The following SGCZ variants were observed in gnomAD, a reference collection of about 807,000 sequenced individuals.
SGCZ encodes the protein sarcoglycan zeta, also known as zeta-sarcoglycan.
In SGCZ, 40 loss-of-function variants were observed where a neutral mutation model predicts 41.3. The ratio of observed to expected loss-of-function variants is 0.97; its 90% CI spans 0.75 to 1.26. The LOEUF (loss-of-function observed/expected upper bound fraction) is 1.26. Among genes scored for constraint, SGCZ ranks in the 50% most tolerant of loss-of-function variants. The pLI, the probability that SGCZ is intolerant of heterozygous loss-of-function variation, is 0.00. For synonymous variants in SGCZ, 206 were observed against 137.5 expected (o/e 1.50, Z -3.49); for missense variants, 552 against 369.8 (o/e 1.49, Z -4.04).
chr8:15,216,223 CTTTTTTTT>C (rs34383864), intron 1 of SGCZ, among the ~76,000 whole-genome samples: 1 of 125,940 alleles, frequency 7.9e-6, no homozygotes, highest in Admixed American at 9.0e-5. Context: ...CTTTTTTTTT[CTTTTTTTT>C]TTTTTTTTGA....
chr8:15,069,858 C>G (rs982031941), intron 1 of SGCZ, among the ~76,000 whole-genome samples: 20 of 152,006 alleles, frequency 1.3e-4, no homozygotes, highest in Non-Finnish European at 2.4e-4. Context: ...GCTTTAATAC[C>G]TGTGCTCTTT....
chr8:14,353,892 T>C (rs1243988226), intron 2 of SGCZ, among the ~76,000 whole-genome samples: 3 of 152,096 alleles, frequency 2.0e-5, no homozygotes, highest in African/African-American at 4.8e-5. Flanking sequence ...AGTTTATTCC[T>C]ATAACCACCC....
intron 2 of SGCZ, among the ~76,000 whole-genome samples, chr8:14,324,417 G>A (rs1286483024): frequency 6.6e-6 from 1 of 152,078 alleles, no homozygotes; most frequent in Non-Finnish European, 1.5e-5. Flanking sequence ...GGATTTAAAG[G>A]ACTGTGTCTT....
intron 1 of SGCZ, among the ~76,000 whole-genome samples, chr8:15,171,263 A>C (rs1247046534): frequency 6.6e-6 from 1 of 152,194 alleles, no homozygotes; most frequent in Non-Finnish European, 1.5e-5. Context: ...TTAAAGTTGA[A>C]AGAGATTGTG....
At chr8:14,333,745 AG>A (rs200038270) in intron 2 of SGCZ, among the ~76,000 whole-genome samples, 6,633 of 152,188 alleles carry the variant, frequency 0.044, 207 homozygotes, top group Non-Finnish European at 0.068. Flanking sequence ...TAAATACACC[AG>A]GGAAATACTT....
chr8:14,871,161 C>T (rs965939286), intron 1 of SGCZ, among the ~76,000 whole-genome samples: 8 of 151,908 alleles, frequency 5.3e-5, no homozygotes, highest in Admixed American at 4.6e-4. Flanking sequence ...GAGCCAAGAT[C>T]ACATCATTGC....
rs187039888 is a variant in SGCZ, at chr8:14,494,077, G to A, written c.234+60655C>T. On this transcript the variant is annotated intron_variant, in intron 2 of 7. Transcript: ENST00000382080. ...AAACAGGGTTAAAATATTTGTTCGC[G>A]TGTTTTCAGGAGGAAGCATGGACAG... Among the ~76,000 whole-genome samples, 344 of 152,242 alleles carry A rather than the reference G, an allele frequency of 2.3e-3. 8 individuals carry two copies. Among genetic ancestry groups the A allele is most frequent in the Admixed American group, 0.022 (332 of 15,282 alleles).
chr8:15,032,759 G>A (rs765925111), intron 1 of SGCZ, among the ~76,000 whole-genome samples: 18 of 152,052 alleles, frequency 1.2e-4, no homozygotes, highest in Admixed American at 4.6e-4. Context: ...AGCCCCAGAC[G>A]TCAGGCCTGC....
chr8:15,204,311 G>T (rs570285062), intron 1 of SGCZ, among the ~76,000 whole-genome samples: 2 of 152,230 alleles, frequency 1.3e-5, no homozygotes. Context: ...AATTCAAAAA[G>T]TATGCAGAAG....
chr8:14,256,187 T>A (rs1799459677), intron 3 of SGCZ, among the ~76,000 whole-genome samples: 1 of 152,188 alleles, frequency 6.6e-6, no homozygotes, highest in Non-Finnish European at 1.5e-5. Context: ...ATCCATATTT[T>A]TACCATAACC....
chr8:14,894,496 C>A (rs1172331236), intron 1 of SGCZ, among the ~76,000 whole-genome samples: 1 of 152,122 alleles, frequency 6.6e-6, no homozygotes, highest in African/African-American at 2.4e-5. Context: ...TGGACAAGGA[C>A]TCTTCAAATT....
At chr8:14,933,431 C>CTTTTTTTTTTTT (rs11443740) in intron 1 of SGCZ, among the ~76,000 whole-genome samples, 2 of 120,410 alleles carry the variant, frequency 1.7e-5, no homozygotes, top group South Asian at 2.6e-4. Context: ...CTTTTTTTTT[C>CTTTTTTTTTTTT]TTTTTTTTTT....
At chr8:14,599,013 C>T (rs1398107480) in intron 1 of SGCZ, among the ~76,000 whole-genome samples, 3 of 152,010 alleles carry the variant, frequency 2.0e-5, no homozygotes, top group African/African-American at 4.8e-5. Flanking sequence ...TTAAAATACC[C>T]GGACATCTCA....
chr8:15,186,262 C>CAAAAAAAA lies in SGCZ; in HGVS notation c.39+51315_39+51322dup, dbSNP rs61237091. 1.4e-3 allele frequency among the ~76,000 whole-genome samples: 111 copies of CAAAAAAAA among 80,696 alleles called. 8 individuals are homozygous for CAAAAAAAA. The highest frequency in any genetic ancestry group is 4.0e-3 in the East Asian group (13 of 3,232). 52.9% of individuals were successfully genotyped at this position (80,696 alleles called of 152,430 possible). On this transcript the variant is annotated intron_variant, in intron 1 of 7. Transcript: ENST00000382080. The stretch of plus-strand genomic sequence containing the variant: ...GGGCAACAGAGGGAAGATTCCGTAC[C>CAAAAAAAA]AAAAAAAAAAAAAAAAAAAAAAAAA...
At chr8:15,237,252 G>GCCCCC (rs57656728) in intron 1 of SGCZ, among the ~76,000 whole-genome samples, 189 of 149,990 alleles carry the variant, frequency 1.3e-3, no homozygotes, top group Middle Eastern at 3.4e-3. Context: ...TGGTGCCGCT[G>GCCCCC]CCCCCCCCGG....
intron 1 of SGCZ, among the ~76,000 whole-genome samples, chr8:14,889,896 T>C: frequency 6.6e-6 from 1 of 152,052 alleles, no homozygotes. Context: ...CATCTCTCAC[T>C]TTAAATAAAG....
intron 1 of SGCZ, among the ~76,000 whole-genome samples, chr8:14,861,834 G>C (rs1413184216): frequency 6.6e-6 from 1 of 151,922 alleles, no homozygotes; most frequent in African/African-American, 2.4e-5. Context: ...TTCTTCTTTG[G>C]TGAAAGCTGT....
chr8:14,211,634 T>C (rs1805809643), intron 4 of SGCZ, among the ~76,000 whole-genome samples: 1 of 150,448 alleles, frequency 6.6e-6, no homozygotes, highest in South Asian at 2.1e-4. Flanking sequence ...GAAGCACGTC[T>C]TACCACAATT....
At chr8:14,180,268 C>A (rs1046830765) in intron 4 of SGCZ, among the ~76,000 whole-genome samples, 1 of 152,178 alleles carries the variant, frequency 6.6e-6, no homozygotes, top group African/African-American at 2.4e-5. Context: ...TAATTACACA[C>A]CCTGCAGAAA....
Sources: gnomAD v4.1 joint callset for allele counts (sites outside exome capture counted in the v4.1 genomes callset) on GRCh38, gnomAD v4.1.1 for gene constraint, MANE v1.5 for transcripts, NCBI Gene and HGNC (gene_info 2026-07-23, HGNC 2026-07-21) for gene names.